GLRA3: variants seen among roughly 807,000 people sequenced by gnomAD.
GLRA3 encodes glycine receptor alpha 3, also known as glycine receptor subunit alpha-3.
In GLRA3, 44 loss-of-function variants were observed where a neutral mutation model predicts 60.4. The ratio of observed to expected loss-of-function variants is 0.73; its 90% CI spans 0.57 to 0.94. GLRA3 has a LOEUF of 0.94. Ranked by LOEUF, GLRA3 falls within the 40% of genes least tolerant of loss-of-function variation. GLRA3 has a pLI of 0.00. For missense variants in GLRA3, 508 were observed against 564.6 expected (o/e 0.90, Z 1.02); for synonymous variants, 223 against 192.9 (o/e 1.16, Z -1.29).
At chr4:174,664,763 T>C (rs775330147) in intron 7 of GLRA3, among the ~76,000 whole-genome samples, 1 of 152,188 alleles carries the variant, frequency 6.6e-6, no homozygotes, top group Non-Finnish European at 1.5e-5. Context: ...ATCTGTTTTA[T>C]GGGGTATAAA....
intron 3 of GLRA3, among the ~76,000 whole-genome samples, chr4:174,765,514 G>C (rs1380975803): frequency 2.0e-5 from 3 of 151,952 alleles, no homozygotes; most frequent in Non-Finnish European, 2.9e-5. Flanking sequence ...AACAAAATGA[G>C]AAAATTGCCA....
chr4:174,702,554 A>T (rs1406001453), intron 5 of GLRA3, among the ~76,000 whole-genome samples: 2 of 150,914 alleles, frequency 1.3e-5, no homozygotes, highest in Non-Finnish European at 3.0e-5. Context: ...AGAAAAAAAA[A>T]ATCACCATTC....
intron 9 of GLRA3, among the ~76,000 whole-genome samples, chr4:174,654,199 G>A (rs1579392331): frequency 1.3e-5 from 2 of 152,094 alleles, no homozygotes; most frequent in Non-Finnish European, 2.9e-5. Context: ...GCTTTCAACC[G>A]TGAATCCTTC....
intron 1 of GLRA3, among the ~76,000 whole-genome samples, chr4:174,826,589 A>AT (rs1227794616): frequency 6.7e-6 from 1 of 149,428 alleles, no homozygotes; most frequent in East Asian, 2.1e-4. Flanking sequence ...CTCAATAAAA[A>AT]TTTTAAAAAA....
intron 3 of GLRA3, among the ~76,000 whole-genome samples, chr4:174,729,174 T>C (rs1189440937): frequency 6.6e-6 from 1 of 152,228 alleles, no homozygotes; most frequent in Non-Finnish European, 1.5e-5. Flanking sequence ...TTTTACTTTC[T>C]TGCTTTGTCA....
At chr4:174,821,641 A>G (rs1213215731) in intron 1 of GLRA3, among the ~76,000 whole-genome samples, 2 of 152,134 alleles carry the variant, frequency 1.3e-5, no homozygotes, top group Non-Finnish European at 2.9e-5. Flanking sequence ...ATGTCTACAA[A>G]AGGTGCTTTA....
At chr4:174,759,173 T>G (rs1172161583) in intron 3 of GLRA3, among the ~76,000 whole-genome samples, 1 of 152,100 alleles carries the variant, frequency 6.6e-6, no homozygotes, top group Non-Finnish European at 1.5e-5. Context: ...TGGCAGAGTG[T>G]GTAAGTACTG....
At chr4:174,648,580 C>A (rs184599242) in intron 9 of GLRA3, among the ~76,000 whole-genome samples, 1 of 152,168 alleles carries the variant, frequency 6.6e-6, no homozygotes, top group Non-Finnish European at 1.5e-5. Flanking sequence ...AGCAGCAAAT[C>A]TGGGGTGGCC....
At chr4:174,668,854 A>G (rs549781415) in intron 7 of GLRA3, among the ~76,000 whole-genome samples, 2 of 152,216 alleles carry the variant, frequency 1.3e-5, no homozygotes, top group East Asian at 1.9e-4. Context: ...AAAACATCAC[A>G]GTGTATGCTT....
At chr4:174,730,970 C>T (rs1413022168) in intron 3 of GLRA3, among the ~76,000 whole-genome samples, 3 of 152,070 alleles carry the variant, frequency 2.0e-5, no homozygotes, top group Non-Finnish European at 4.4e-5. Context: ...ATTTCAAAAT[C>T]GCTAAAAGAA....
At chr4:174,689,904 G>T (rs1734726641) in intron 5 of GLRA3, among the ~76,000 whole-genome samples, 1 of 151,692 alleles carries the variant, frequency 6.6e-6, no homozygotes, top group Non-Finnish European at 1.5e-5. Flanking sequence ...GAAAAATTCA[G>T]GAGTTGCAAT....
chr4:174,807,175 T>C (rs1579639547), intron 1 of GLRA3, among the ~76,000 whole-genome samples: 1 of 152,170 alleles, frequency 6.6e-6, no homozygotes, highest in African/African-American at 2.4e-5. Context: ...TACGGTGTTG[T>C]AGCAATAATC....
chr4:174,700,359 A>T (rs1735259707), intron 5 of GLRA3, among the ~76,000 whole-genome samples: 1 of 152,148 alleles, frequency 6.6e-6, no homozygotes, highest in South Asian at 2.1e-4. Context: ...GTCATATTTC[A>T]GTACTTGTCA....
At chr4:174,812,967 G>T (rs572100652) in intron 1 of GLRA3, among the ~76,000 whole-genome samples, 2 of 152,208 alleles carry the variant, frequency 1.3e-5, no homozygotes, top group South Asian at 4.1e-4. Flanking sequence ...GGCAATAAGA[G>T]CACACGCGTT....
chr4:174,644,642 G>A (rs192927803), intron 9 of GLRA3, among the ~76,000 whole-genome samples: 7 of 152,250 alleles, frequency 4.6e-5, no homozygotes, highest in Admixed American at 3.9e-4. Flanking sequence ...ATACTTAGAA[G>A]ATGGCCATGT....
chr4:174,718,856 A>G (rs1195938762), intron 4 of GLRA3, among the ~76,000 whole-genome samples: 1 of 151,802 alleles, frequency 6.6e-6, no homozygotes, highest in African/African-American at 2.4e-5. Context: ...ACCCTGTTTT[A>G]GAGATGAGGA....
At chr4:174,677,831 A>G (rs1561049415) in intron 6 of GLRA3, among the ~76,000 whole-genome samples, 1 of 152,224 alleles carries the variant, frequency 6.6e-6, no homozygotes, top group African/African-American at 2.4e-5. Flanking sequence ...TCCGACTTGA[A>G]AAGTGCTTTA....
intron 2 of GLRA3, among the ~76,000 whole-genome samples, chr4:174,778,328 ATTTCT>A (rs1004121728): frequency 2.6e-5 from 4 of 151,910 alleles, no homozygotes; most frequent in Non-Finnish European, 5.9e-5. Context: ...AAAAATAACT[ATTTCT>A]TTTCTTTTCT....
In GLRA3 at chr4:174,659,040, G is replaced by A. The variant is rs4365704; in HGVS notation, c.1071+14C>T. Reference sequence around the variant, plus strand: ...AACTGGATTCTGCCAAACCCAATACGTTTAATCACTTACCTTATTCTTTCT... The same window carrying A: ...AACTGGATTCTGCCAAACCCAATACATTTAATCACTTACCTTATTCTTTCT... On this transcript the variant is annotated intron_variant, in intron 8 of 9. Transcript: ENST00000274093. 555,247 of 1,603,554 alleles carry A rather than the reference G, an allele frequency of 0.35. 100,419 individuals are homozygous for A. The highest frequency in any genetic ancestry group is 0.53 in the Admixed American group (31,349 of 59,522).
Sources: gnomAD v4.1 joint callset for allele counts (sites outside exome capture counted in the v4.1 genomes callset) on GRCh38, gnomAD v4.1.1 for gene constraint, MANE v1.5 for transcripts, NCBI Gene and HGNC (gene_info 2026-07-23, HGNC 2026-07-21) for gene names.